ABHD13: variants seen among roughly 807,000 people sequenced by gnomAD.
ABHD13 encodes protein ABHD13.
In ABHD13, 7 loss-of-function variants were observed where a neutral mutation model predicts 25.2. That is an observed-to-expected ratio of 0.28 (90% CI 0.16 to 0.52). The LOEUF is 0.52. Among genes scored for constraint, ABHD13 ranks in the 20% least tolerant of loss-of-function variants. The probability of loss-of-function intolerance (pLI) is 0.96; values close to 1 mark genes in which losing one functional copy is unlikely to be tolerated. For missense variants in ABHD13, 302 were observed against 402.7 expected (o/e 0.75, Z 2.14); for synonymous variants, 133 against 136.1 (o/e 0.98, Z 0.16).
At chr13:108,219,315 C>T (rs926905894) in intron 1 of ABHD13, among the ~76,000 whole-genome samples, 2 of 152,228 alleles carry the variant, frequency 1.3e-5, no homozygotes, top group Non-Finnish European at 2.9e-5. Flanking sequence ...AGTATTACTA[C>T]CCAAGGTATC....
At chr13:108,221,361 A>G (rs1414195779) in intron 1 of ABHD13, among the ~76,000 whole-genome samples, 1 of 152,202 alleles carries the variant, frequency 6.6e-6, no homozygotes, top group African/African-American at 2.4e-5. Flanking sequence ...TAACTTCCCA[A>G]TGCTTAACAG....
In ABHD13 at chr13:108,229,155, T is replaced by C. The variant is rs1879736618; in HGVS notation, c.-20-44T>C. 7.1e-7 allele frequency: 1 copy of C among 1,404,526 alleles called. No individual in the cohort carries two copies. Among genetic ancestry groups the C allele is most frequent in the Non-Finnish European group, 9.6e-7 (1 of 1,040,224 alleles). 87.0% of individuals were successfully genotyped at this position (1,404,526 alleles called of 1,614,324 possible). A position where few individuals can be genotyped will look rare whatever the true frequency, so the allele number is the denominator to read the frequency against. On this transcript the variant is annotated intron_variant, in intron 1 of 1. Transcript: ENST00000375898. This position sits in a 1 kb window ranked among gnomAD's most constrained non-coding sequence, Gnocchi z 4.7. ...ATTATATTGTGGATTTTTAAAAGAA[T>C]AGATAGACGTTGAATTATTGATATT...
At chr13:108,224,382 T>C (rs535276384) in intron 1 of ABHD13, among the ~76,000 whole-genome samples, 7 of 152,304 alleles carry the variant, frequency 4.6e-5, no homozygotes, top group African/African-American at 9.6e-5. Flanking sequence ...GTAGGCCTGC[T>C]TCAGTGGTCC....
chr13:108,222,005 T>G (rs1276529508), intron 1 of ABHD13, among the ~76,000 whole-genome samples: 1 of 152,054 alleles, frequency 6.6e-6, no homozygotes, highest in Non-Finnish European at 1.5e-5. Flanking sequence ...GCCCGGCTAA[T>G]TTTTTGTAAT....
rs190636809 is a variant in ABHD13, at chr13:108,230,837, T to C, written c.*605T>C. ...GTGAAATTGAGACTTATGTGCAGGT[T>C]GCCATTGAATTTTGCTCTGGTGAAT... On this transcript the variant is annotated 3_prime_UTR_variant, in exon 2 of 2. Coordinates refer to ENST00000375898, the MANE Select transcript of ABHD13 (RefSeq NM_032859.3). 1 of 166,980 alleles carries C rather than the reference T, an allele frequency of 6.0e-6. No individual in the cohort carries two copies. The highest frequency in any genetic ancestry group is 1.9e-4 in the East Asian group (1 of 5,194). The allele number at this position is 166,980 out of a possible 1,614,324, so 10.3% of individuals were successfully genotyped here. A position where few individuals can be genotyped will look rare whatever the true frequency, so the allele number is the denominator to read the frequency against.
intron 1 of ABHD13, among the ~76,000 whole-genome samples, chr13:108,220,792 A>G (rs746275294): frequency 6.6e-6 from 1 of 152,218 alleles, no homozygotes; most frequent in African/African-American, 2.4e-5. Flanking sequence ...CACATACTCA[A>G]TGTTATATAA....
At position 108,233,638 on chromosome 13, in the gene ABHD13, C is replaced by G. The variant is rs1879857574; in HGVS notation, c.*3406C>G. The G allele has an allele frequency of 6.0e-6, 1 of 166,636 alleles. No homozygotes were observed. The highest frequency in any genetic ancestry group is 6.6e-5 in the Admixed American group (1 of 15,234). The allele number at this position is 166,636 out of a possible 1,614,324, so 10.3% of individuals were successfully genotyped here. ...AGGTAAAGATGGAAATGACAGAGCA[C>G]AGACATTTATTTTTTAAATTGATAG... On this transcript the variant is annotated 3_prime_UTR_variant, in exon 2 of 2. Transcript: ENST00000375898.
Position 108,219,652 on chromosome 13 carries a change from G to A in ABHD13, c.-21+993G>A, listed in dbSNP as rs564935865. On this transcript the variant is annotated intron_variant, in intron 1 of 1. Coordinates refer to ENST00000375898, the MANE Select transcript of ABHD13 (RefSeq NM_032859.3). Reference sequence around the variant, plus strand: ...TTAATAGAGGCCCACTATGCATCAGGCACTGCTGCGTACAGAAAATGTAGA... The same window carrying A: ...TTAATAGAGGCCCACTATGCATCAGACACTGCTGCGTACAGAAAATGTAGA... 2.0e-4 allele frequency among the ~76,000 whole-genome samples: 30 copies of A among 152,316 alleles called. No homozygotes were observed. The South Asian group carries it at 6.0e-3, about 30-fold the overall frequency.
At chr13:108,226,659 A>G (rs1164771487) in intron 1 of ABHD13, among the ~76,000 whole-genome samples, 5 of 152,188 alleles carry the variant, frequency 3.3e-5, no homozygotes, top group African/African-American at 1.2e-4. Flanking sequence ...AGTCGACTTT[A>G]TTAGAGGCAG....
chr13:108,219,408 T>G (rs1420588820), intron 1 of ABHD13, among the ~76,000 whole-genome samples: 1 of 152,168 alleles, frequency 6.6e-6, no homozygotes, highest in African/African-American at 2.4e-5. Context: ...AAGAGATGAG[T>G]ATATTGGCTT....
In ABHD13 at chr13:108,233,645, T is replaced by A. The variant is rs559516184; in HGVS notation, c.*3413T>A. The stretch of plus-strand genomic sequence containing the variant: ...GATGGAAATGACAGAGCACAGACAT[T>A]TATTTTTTAAATTGATAGGGTAGAA... On this transcript the variant is annotated 3_prime_UTR_variant, in exon 2 of 2. Transcript: ENST00000375898. 3.6e-5 allele frequency: 6 copies of A among 166,750 alleles called. No individual in the cohort carries two copies. Among genetic ancestry groups the A allele is most frequent in the Non-Finnish European group, 7.4e-5 (5 of 67,960 alleles). The allele number at this position is 166,750 out of a possible 1,614,324, so 10.3% of individuals were successfully genotyped here.
intron 1 of ABHD13, among the ~76,000 whole-genome samples, chr13:108,223,924 C>G (rs369585640): frequency 5.3e-5 from 8 of 152,134 alleles, no homozygotes; most frequent in African/African-American, 1.7e-4. Flanking sequence ...TGTGAATAAT[C>G]GTGCTAAATG....
Position 108,229,173 on chromosome 13 carries a change from T to C in ABHD13, c.-20-26T>C, listed in dbSNP as rs2139013899. On this transcript the variant is annotated intron_variant, in intron 1 of 1. Transcript: ENST00000375898. The surrounding 1 kb of genome is among the most constrained non-coding windows in gnomAD (Gnocchi z 4.7). Reference sequence around the variant, plus strand: ...AAAAGAATAGATAGACGTTGAATTATTGATATTCTCCCTCTCTCTCTCTAG... The same window carrying C: ...AAAAGAATAGATAGACGTTGAATTACTGATATTCTCCCTCTCTCTCTCTAG... 3 of 1,456,374 alleles carry C rather than the reference T, an allele frequency of 2.1e-6. No homozygotes were observed. The highest frequency in any genetic ancestry group is 2.8e-6 in the Non-Finnish European group (3 of 1,085,264). The allele number at this position is 1,456,374 out of a possible 1,614,324, so 90.2% of individuals were successfully genotyped here.
intron 1 of ABHD13, among the ~76,000 whole-genome samples, chr13:108,220,113 A>G (rs1879528307): frequency 6.6e-6 from 1 of 152,194 alleles, no homozygotes; most frequent in Non-Finnish European, 1.5e-5. Context: ...ACGAGGAAAT[A>G]TATATTTAGA....
chr13:108,229,783 C>A lies in ABHD13; in HGVS notation c.565C>A (p.Leu189Ile). The A allele has an allele frequency of 6.2e-7, 1 of 1,613,192 alleles. No homozygotes were observed. Among genetic ancestry groups the A allele is most frequent in the South Asian group, 1.1e-5 (1 of 91,056 alleles). ...TGACCTTGATAAAACAAAAATTTTT[C>A]TTTTTGGCCGTTCCTTGGGTGGAGC... ...RPDLDKTKIF[L>I]FGRSLGGAVA... The change falls in exon 2 of 2, where the codon CTT becomes ATT. Residue 189 changes from leucine to isoleucine, a missense_variant. Coordinates refer to ENST00000375898, the MANE Select transcript of ABHD13 (RefSeq NM_032859.3). The surrounding 1 kb of genome is among the most constrained non-coding windows in gnomAD (Gnocchi z 4.7).
intron 1 of ABHD13, among the ~76,000 whole-genome samples, chr13:108,225,849 G>A (rs577278234): frequency 5.3e-4 from 81 of 152,282 alleles, no homozygotes; most frequent in African/African-American, 1.8e-3. Context: ...ACATGGAACA[G>A]GTCTAATTGG....
At position 108,230,335 on chromosome 13, in the gene ABHD13, A is replaced by G; in HGVS notation, c.*103A>G. 9.6e-7 allele frequency: 1 copy of G among 1,046,204 alleles called. No individual in the cohort carries two copies. The highest frequency in any genetic ancestry group is 1.3e-6 in the Non-Finnish European group (1 of 743,530). The allele number at this position is 1,046,204 out of a possible 1,614,324, so 64.8% of individuals were successfully genotyped here. On this transcript the variant is annotated 3_prime_UTR_variant, in exon 2 of 2. Transcript: ENST00000375898. ...TGTCTGTACCTGTCTGAAGAGTGACATTAAACTTTGAAAGGACTTCACTGC... is the reference window on the plus strand; with the variant it reads ...TGTCTGTACCTGTCTGAAGAGTGACGTTAAACTTTGAAAGGACTTCACTGC...
chr13:108,230,305 T>C lies in ABHD13; in HGVS notation c.*73T>C. ...ATAAAGAATGTTCCTTTTAGAAGTGTGTTATGTCTGTACCTGTCTGAAGAG... is the reference window on the plus strand; with the variant it reads ...ATAAAGAATGTTCCTTTTAGAAGTGCGTTATGTCTGTACCTGTCTGAAGAG... On this transcript the variant is annotated 3_prime_UTR_variant, in exon 2 of 2. Transcript: ENST00000375898. 1 of 1,279,220 alleles carries C rather than the reference T, an allele frequency of 7.8e-7. No homozygotes were observed. The highest frequency in any genetic ancestry group is 1.1e-6 in the Non-Finnish European group (1 of 939,686). 79.2% of individuals were successfully genotyped at this position (1,279,220 alleles called of 1,614,324 possible).
At position 108,229,446 on chromosome 13, in the gene ABHD13, T is replaced by G. The variant is rs771100634; in HGVS notation, c.228T>G (p.Leu76=). 9.9e-6 allele frequency: 16 copies of G among 1,613,390 alleles called. No homozygotes were observed. The highest frequency in any genetic ancestry group is 1.2e-5 in the Non-Finnish European group (14 of 1,179,582). ...YFPEQPSSSR[L]YVPMPTGIPH... ...CAGAACAGCCATCCTCTTCACGTCTTTATGTTCCCATGCCCACTGGCATTC... is the reference window on the plus strand; with the variant it reads ...CAGAACAGCCATCCTCTTCACGTCTGTATGTTCCCATGCCCACTGGCATTC... Residue 76 remains leucine (L), a synonymous_variant, in exon 2 of 2, where the codon CTT becomes CTG. Transcript: ENST00000375898. The surrounding 1 kb of genome is among the most constrained non-coding windows in gnomAD (Gnocchi z 4.7).
Sources: gnomAD v4.1 joint callset for allele counts (sites outside exome capture counted in the v4.1 genomes callset) on GRCh38, gnomAD v4.1.1 for gene constraint, Gnocchi (gnomAD v3.1) non-coding constraint, MANE v1.5 for transcripts, NCBI Gene and HGNC (gene_info 2026-07-23, HGNC 2026-07-21) for gene names.